CYTH1: variants seen among roughly 807,000 people sequenced by gnomAD.
CYTH1 encodes the protein cytohesin-1.
CYTH1 carries 18 observed loss-of-function variants against 61.8 expected under a neutral mutation model. That is an observed-to-expected ratio of 0.29 (90% CI 0.20 to 0.43). The LOEUF is 0.43. Ranked by LOEUF, CYTH1 falls within the 20% of genes least tolerant of loss-of-function variation. The pLI, the probability that CYTH1 is intolerant of heterozygous loss-of-function variation, is 1.00. For missense variants in CYTH1, 336 were observed against 510.5 expected, an observed-to-expected ratio of 0.66 and a Z score of 3.29; for synonymous variants, 174 against 184.3, an observed-to-expected ratio of 0.94 and a Z score of 0.45.
chr17:78,724,102 T>C (rs922975736), intron 1 of CYTH1: 1 of 152,202 alleles, frequency 6.6e-6, no homozygotes, highest in African/African-American at 2.4e-5. Context: ...CTGCCTATTA[T>C]CAGGTTGGAA....
chr17:78,768,082 C>T (rs142950500), intron 1 of CYTH1, among the ~76,000 whole-genome samples: 76 of 152,180 alleles, frequency 5.0e-4, no homozygotes, highest in African/African-American at 1.7e-3. Context: ...AAGACTGGCT[C>T]GGAATCATTG....
intron 1 of CYTH1, among the ~76,000 whole-genome samples, chr17:78,754,202 A>G (rs1372301823): frequency 6.6e-6 from 1 of 152,214 alleles, no homozygotes; most frequent in African/African-American, 2.4e-5. Context: ...AGAACTTTCC[A>G]AGAGCAACTG....
chr17:78,757,239 T>C (rs1045759143), intron 1 of CYTH1, among the ~76,000 whole-genome samples: 1 of 152,068 alleles, frequency 6.6e-6, no homozygotes, highest in African/African-American at 2.4e-5. Context: ...TGAGCCACCA[T>C]GCCCGGACTC....
intron 11 of CYTH1, among the ~76,000 whole-genome samples, chr17:78,684,770 T>C (rs1422249015): frequency 6.6e-6 from 1 of 152,222 alleles, no homozygotes; most frequent in African/African-American, 2.4e-5. Flanking sequence ...CATTCTATTT[T>C]AATTGTTTAG....
At chr17:78,692,557 A>G in intron 10 of CYTH1, 64 bp from the exon 11 acceptor site, 1 of 1,470,736 alleles carries the variant, frequency 6.8e-7, no homozygotes, top group Non-Finnish European at 9.5e-7. Flanking sequence ...GCTCCACGAC[A>G]CACACGACAC....
chr17:78,742,523 T>C (rs750434827), intron 1 of CYTH1, among the ~76,000 whole-genome samples: 38 of 152,142 alleles, frequency 2.5e-4, no homozygotes, highest in Non-Finnish European at 4.9e-4. Context: ...GATTGTGCTG[T>C]TGCACTCCAG....
chr17:78,712,218 A>G (rs2093141948), intron 1 of CYTH1, among the ~76,000 whole-genome samples: 1 of 151,982 alleles, frequency 6.6e-6, no homozygotes, highest in South Asian at 2.1e-4. Context: ...AGAGAAAGAA[A>G]AAGAGAAAGA....
chr17:78,719,530 A>G (rs1003675110), intron 1 of CYTH1, among the ~76,000 whole-genome samples: 4 of 152,250 alleles, frequency 2.6e-5, no homozygotes, highest in Non-Finnish European at 5.9e-5. Flanking sequence ...CTCACTGAGA[A>G]AAGTAATTTT....
intron 1 of CYTH1, among the ~76,000 whole-genome samples, chr17:78,776,934 T>C (rs1465419189): frequency 6.6e-6 from 1 of 150,632 alleles, no homozygotes; most frequent in Non-Finnish European, 1.5e-5. Context: ...GAGACCAGCC[T>C]GACCAACATG....
At position 78,760,532 on chromosome 17, in the gene CYTH1, CA is replaced by C. The variant is rs2093423414; in HGVS notation, c.22+21669del. Among the ~76,000 whole-genome samples, 2 of 41,964 alleles carry C rather than the reference CA, an allele frequency of 4.8e-5. 1 individual carries two copies. Among genetic ancestry groups the C allele is most frequent in the Admixed American group, 5.8e-4 (2 of 3,478 alleles). The allele number at this position is 41,964 out of a possible 152,430, so 27.5% of individuals were successfully genotyped here. On this transcript the variant is annotated intron_variant, in intron 1 of 13. Transcript: ENST00000446868. ...GTATATATATGTATATATATATATA[CA>C]TACATATATATGTATATATATATGT...
At position 78,751,474 on chromosome 17, in the gene CYTH1, C is replaced by CAAAAA. The variant is rs71309110; in HGVS notation, c.22+30723_22+30727dup. 3.0e-4 allele frequency among the ~76,000 whole-genome samples: 44 copies of CAAAAA among 145,204 alleles called. 1 individual carries two copies. The highest frequency in any genetic ancestry group is 1.4e-3 in the East Asian group (7 of 4,986). ...AGTCACCAGCAAAGGCACAAAAATA[C>CAAAAA]AAAAAAAAAAAAATGTAATGCTAAA... On this transcript the variant is annotated intron_variant, in intron 1 of 13. Coordinates refer to ENST00000446868, the MANE Select transcript of CYTH1 (RefSeq NM_004762.6).
At chr17:78,765,169 A>G (rs1374213910) in intron 1 of CYTH1, among the ~76,000 whole-genome samples, 1 of 152,084 alleles carries the variant, frequency 6.6e-6, no homozygotes, top group Non-Finnish European at 1.5e-5. Context: ...GGGCATGGGT[A>G]TCCCTGATGG....
At chr17:78,725,460 A>G (rs1301708174) in intron 1 of CYTH1, among the ~76,000 whole-genome samples, 3 of 152,232 alleles carry the variant, frequency 2.0e-5, no homozygotes. Flanking sequence ...ATATTCTCAT[A>G]GCACTTTTCA....
At chr17:78,716,136 A>G (rs2093178612) in intron 1 of CYTH1, among the ~76,000 whole-genome samples, 2 of 152,220 alleles carry the variant, frequency 1.3e-5, no homozygotes, top group African/African-American at 4.8e-5. Context: ...ATCCTCATCC[A>G]TCATAGGCAG....
chr17:78,777,446 T>G (rs1217432700), intron 1 of CYTH1, among the ~76,000 whole-genome samples: 1 of 151,928 alleles, frequency 6.6e-6, no homozygotes, highest in East Asian at 1.9e-4. Flanking sequence ...ATAAATAAAT[T>G]AAATAAATAA....
intron 1 of CYTH1, among the ~76,000 whole-genome samples, chr17:78,778,173 T>C (rs548000450): frequency 2.7e-5 from 4 of 149,262 alleles, no homozygotes; most frequent in Non-Finnish European, 5.9e-5. Context: ...CATGATAGCA[T>C]GTGCCTGTAG....
intron 9 of CYTH1, 102 bp from the exon 10 acceptor site, chr17:78,696,111 C>A: frequency 1.5e-6 from 2 of 1,336,622 alleles, no homozygotes; most frequent in Non-Finnish European, 2.0e-6. Context: ...ATTCCTTAAT[C>A]TTAAAGTGCA....
intron 1 of CYTH1, among the ~76,000 whole-genome samples, chr17:78,746,723 C>T (rs140288926): frequency 1.3e-5 from 2 of 152,140 alleles, no homozygotes; most frequent in African/African-American, 4.8e-5. Context: ...GAGAGGATCA[C>T]TTGAGCCCAG....
intron 1 of CYTH1, among the ~76,000 whole-genome samples, chr17:78,745,837 A>G (rs536809461): frequency 6.6e-6 from 1 of 152,336 alleles, no homozygotes; most frequent in East Asian, 1.9e-4. Flanking sequence ...GGTTGCAGTG[A>G]GCCGACATTG....
Sources: allele counts gnomAD v4.1 joint callset (sites outside exome capture counted in the v4.1 genomes callset), GRCh38; gene constraint gnomAD v4.1.1; transcripts MANE v1.5; gene names NCBI Gene and HGNC (gene_info 2026-07-23, HGNC 2026-07-21).